The following CMSS1 variants were observed in gnomAD, a reference collection of about 807,000 sequenced individuals.
The protein encoded by CMSS1 is protein CMSS1.
A neutral mutation model predicts 43.5 loss-of-function variants in CMSS1; 33 were observed. The ratio of observed to expected loss-of-function variants is 0.76; its 90% CI spans 0.57 to 1.01. The LOEUF (loss-of-function observed/expected upper bound fraction) is 1.01, where lower values mean the gene tolerates loss of function less well. CMSS1 is among the 50% of genes least tolerant of loss of function. The pLI is 0.00. For missense variants in CMSS1, 313 were observed against 326.4 expected (o/e 0.96, Z 0.32); for synonymous variants, 115 against 117.2 (o/e 0.98, Z 0.12).
intron 1 of CMSS1, among the ~76,000 whole-genome samples, chr3:99,998,981 G>T (rs1405195937): frequency 6.6e-6 from 1 of 152,166 alleles, no homozygotes; most frequent in Non-Finnish European, 1.5e-5. Context: ...TCCACCACAA[G>T]ATTTTTGGTT....
intron 1 of CMSS1, among the ~76,000 whole-genome samples, chr3:99,967,681 T>TGAAA (rs950772951): frequency 2.0e-5 from 3 of 152,212 alleles, no homozygotes; most frequent in Non-Finnish European, 4.4e-5. Flanking sequence ...TGGTAGTAGC[T>TGAAA]GAAAGACACC....
At chr3:100,094,201 C>T (rs952896840) in intron 1 of CMSS1, among the ~76,000 whole-genome samples, 8 of 152,128 alleles carry the variant, frequency 5.3e-5, no homozygotes, top group African/African-American at 9.7e-5. Context: ...GACATCTTTT[C>T]GTCACTTGTC....
At chr3:99,928,374 A>G (rs1209528297) in intron 1 of CMSS1, among the ~76,000 whole-genome samples, 3 of 152,184 alleles carry the variant, frequency 2.0e-5, no homozygotes, top group East Asian at 3.9e-4. Flanking sequence ...ATAAGGGGGA[A>G]GTAGAGGAAA....
At chr3:100,113,387 C>T (rs898333928) in intron 1 of CMSS1, among the ~76,000 whole-genome samples, 1 of 152,226 alleles carries the variant, frequency 6.6e-6, no homozygotes, top group Admixed American at 6.5e-5. Context: ...ATCCAGTCAT[C>T]TTCTGTGGGG....
chr3:99,936,050 A>C (rs1217228458), intron 1 of CMSS1, among the ~76,000 whole-genome samples: 1 of 152,134 alleles, frequency 6.6e-6, no homozygotes, highest in Non-Finnish European at 1.5e-5. Flanking sequence ...ATTACTCTAC[A>C]TAGTTAGGTG....
intron 1 of CMSS1, among the ~76,000 whole-genome samples, chr3:99,914,016 T>C (rs1438889951): frequency 6.6e-6 from 1 of 152,184 alleles, no homozygotes; most frequent in Non-Finnish European, 1.5e-5. Context: ...TTGAGTTAAA[T>C]AGGAAACTGA....
In CMSS1 at chr3:100,067,924, C is replaced by T. The variant is rs528476529; in HGVS notation, c.65-79049C>T. Among the ~76,000 whole-genome samples the T allele has an allele frequency of 7.2e-5, 11 of 152,270 alleles. No individual in the cohort carries two copies. In the East Asian group the frequency reaches 1.9e-3, roughly 27 times the overall value. ...TGCAATCAAAGCTTTCCCTACCCTA[C>T]CACCCAGGCAAGTCATTCATGTCCT... On this transcript the variant is annotated intron_variant, in intron 1 of 9. Transcript: ENST00000421999.
chr3:99,851,068 A>G, intron 1 of CMSS1: 1 of 1,573,832 alleles, frequency 6.4e-7, no homozygotes. Context: ...TAGCTTCTTT[A>G]ATCTGAAAAA....
chr3:100,032,717 G>A (rs1463828395), intron 1 of CMSS1, among the ~76,000 whole-genome samples: 3 of 152,162 alleles, frequency 2.0e-5, no homozygotes, highest in Admixed American at 1.3e-4. Flanking sequence ...TTTATGGGCA[G>A]TTGAATACAG....
intron 1 of CMSS1, among the ~76,000 whole-genome samples, chr3:99,862,555 C>T (rs1001968447): frequency 6.6e-6 from 1 of 152,178 alleles, no homozygotes. Context: ...GGGTGTTTAG[C>T]AGCATCCCTG....
At chr3:100,036,878 G>A (rs1048701709) in intron 1 of CMSS1, among the ~76,000 whole-genome samples, 8 of 152,086 alleles carry the variant, frequency 5.3e-5, no homozygotes, top group Non-Finnish European at 1.0e-4. Flanking sequence ...AGAAAGATAC[G>A]TTATTTCTGT....
chr3:100,058,001 A>G (rs1374114454), intron 1 of CMSS1, among the ~76,000 whole-genome samples: 10 of 152,242 alleles, frequency 6.6e-5, no homozygotes, highest in African/African-American at 1.7e-4. Flanking sequence ...TCTGTGAGGT[A>G]CTATGCTAAG....
chr3:100,174,850 T>C (rs1282007504), intron 8 of CMSS1, among the ~76,000 whole-genome samples: 1 of 152,180 alleles, frequency 6.6e-6, no homozygotes, highest in Non-Finnish European at 1.5e-5. Context: ...ATAGGAGCCT[T>C]TGAAAATGCA....
intron 1 of CMSS1, among the ~76,000 whole-genome samples, chr3:99,845,356 T>C (rs1404919714): frequency 2.0e-5 from 3 of 152,166 alleles, no homozygotes; most frequent in African/African-American, 7.2e-5. Flanking sequence ...AGTGGGAATG[T>C]GAGTAAAATG....
At chr3:99,876,160 C>A in intron 1 of CMSS1, 1 of 985,678 alleles carries the variant, frequency 1.0e-6, no homozygotes, top group South Asian at 4.7e-5. Context: ...CTCCGAGAGT[C>A]GCCCGAACAA....
chr3:99,825,696 A>G (rs1942523078), intron 1 of CMSS1, among the ~76,000 whole-genome samples: 1 of 152,064 alleles, frequency 6.6e-6, no homozygotes, highest in Middle Eastern at 3.4e-3. Flanking sequence ...AGGCCTATAC[A>G]TAACTTCCAT....
chr3:99,894,570 C>G (rs555792802), intron 1 of CMSS1, among the ~76,000 whole-genome samples: 71 of 152,220 alleles, frequency 4.7e-4, no homozygotes, highest in Non-Finnish European at 8.8e-4. Flanking sequence ...GATCTTAGGG[C>G]AATTTGCTTT....
intron 1 of CMSS1, among the ~76,000 whole-genome samples, chr3:99,987,497 C>T (rs1294418312): frequency 6.7e-6 from 1 of 149,128 alleles, no homozygotes; most frequent in Non-Finnish European, 1.5e-5. Context: ...CCACTGCACT[C>T]CAGCCTGGGT....
chr3:100,049,776 T>C (rs910461332), intron 1 of CMSS1, among the ~76,000 whole-genome samples: 2 of 152,368 alleles, frequency 1.3e-5, no homozygotes, highest in East Asian at 3.9e-4. Context: ...TAACATTTTC[T>C]TTTCTCTAGC....
Sources: allele counts gnomAD v4.1 joint callset (sites outside exome capture counted in the v4.1 genomes callset), GRCh38; gene constraint gnomAD v4.1.1; transcripts MANE v1.5; gene names NCBI Gene and HGNC (gene_info 2026-07-23, HGNC 2026-07-21).